Variants in ARFGEF3 observed in about 807,000 individuals in gnomAD.
The protein encoded by ARFGEF3 is brefeldin A-inhibited guanine nucleotide-exchange protein 3.
In ARFGEF3, 96 loss-of-function variants were observed where a neutral mutation model predicts 221.7. The ratio of observed to expected loss-of-function variants is 0.43; its 90% CI spans 0.37 to 0.51. The LOEUF (loss-of-function observed/expected upper bound fraction) is 0.51. Among genes scored for constraint, ARFGEF3 ranks in the 20% least tolerant of loss-of-function variants. The probability of loss-of-function intolerance (pLI) is 0.00; values close to 1 mark genes in which losing one functional copy is unlikely to be tolerated. For missense variants in ARFGEF3, 2,410 were observed against 2,789.9 expected (o/e 0.86, Z 3.07); for synonymous variants, 1,145 against 1,126.8 (o/e 1.02, Z -0.32).
intron 2 of ARFGEF3, among the ~76,000 whole-genome samples, chr6:138,198,773 A>C (rs1432450259): frequency 6.6e-6 from 1 of 152,232 alleles, no homozygotes; most frequent in African/African-American, 2.4e-5. Flanking sequence ...TGCTTCATGA[A>C]TTATCACTCG....
chr6:138,282,589 T>C (rs1457452151), intron 14 of ARFGEF3, among the ~76,000 whole-genome samples: 1 of 152,148 alleles, frequency 6.6e-6, no homozygotes, highest in Admixed American at 6.5e-5. Context: ...GGTCTGTCCA[T>C]GGGTGGCAGA....
chr6:138,214,027 A>T (rs554351389), intron 4 of ARFGEF3, among the ~76,000 whole-genome samples: 2 of 152,194 alleles, frequency 1.3e-5, no homozygotes, highest in Non-Finnish European at 2.9e-5. Flanking sequence ...CTGGCTTAGA[A>T]TAATAAGTTT....
At position 138,313,853 on chromosome 6, in the gene ARFGEF3, C is replaced by A. The variant is rs745955507; in HGVS notation, c.4259C>A (p.Ala1420Asp). ...LKPIFLSGRL[A>D]GLPRRLQEQS... Reference sequence around the variant, plus strand: ...CCAATATTCCTTAGTGGGAGACTTGCCGGCTTGCCTCGAAGACTTCAGGAA... The same window carrying A: ...CCAATATTCCTTAGTGGGAGACTTGACGGCTTGCCTCGAAGACTTCAGGAA... Residue 1420 changes from alanine to aspartate, a missense_variant, in exon 26 of 34, where the codon GCC becomes GAC. By Grantham distance (126) the Ala-to-Asp change is moderately radical. This residue lies in a region of ARFGEF3 where 723 missense variants were observed against 991.9 expected (regional missense o/e 0.73). Transcript: ENST00000251691. 1 of 1,613,852 alleles carries A rather than the reference C, an allele frequency of 6.2e-7. No homozygotes were observed. The highest frequency in any genetic ancestry group is 1.7e-5 in the Admixed American group (1 of 60,016).
chr6:138,227,343 C>T (rs1039227993), intron 4 of ARFGEF3, among the ~76,000 whole-genome samples: 2 of 152,296 alleles, frequency 1.3e-5, no homozygotes, highest in Admixed American at 6.5e-5. Context: ...TGCTTCCAAC[C>T]GCTGCTCCGA....
chr6:138,264,967 A>G (rs958948578), intron 12 of ARFGEF3, among the ~76,000 whole-genome samples: 25 of 149,840 alleles, frequency 1.7e-4, no homozygotes, highest in Non-Finnish European at 2.7e-4. Flanking sequence ...CCAGTGGTGC[A>G]ATCTCGGCTC....
At chr6:138,275,117 A>G (rs1039071906) in intron 12 of ARFGEF3, among the ~76,000 whole-genome samples, 1 of 152,068 alleles carries the variant, frequency 6.6e-6, no homozygotes, top group African/African-American at 2.4e-5. Flanking sequence ...CAAAAAAAAT[A>G]ATAAATAAAT....
At chr6:138,317,836 G>A (rs968870232) in intron 27 of ARFGEF3, among the ~76,000 whole-genome samples, 14 of 152,082 alleles carry the variant, frequency 9.2e-5, no homozygotes, top group African/African-American at 1.2e-4. Context: ...GCAACACCCC[G>A]TTTGTGTAAG....
At chr6:138,259,820 A>G (rs1463353681) in intron 10 of ARFGEF3, among the ~76,000 whole-genome samples, 1 of 152,168 alleles carries the variant, frequency 6.6e-6, no homozygotes, top group Non-Finnish European at 1.5e-5. Context: ...AGGCTGAGAC[A>G]GGAGAATCGC....
At chr6:138,208,985 G>T (rs1467568275) in intron 3 of ARFGEF3, among the ~76,000 whole-genome samples, 1 of 152,020 alleles carries the variant, frequency 6.6e-6, no homozygotes, top group East Asian at 1.9e-4. Flanking sequence ...GTGGGCAGGT[G>T]GATTTTGGTA....
At chr6:138,197,386 G>A (rs2114478611) in intron 2 of ARFGEF3, among the ~76,000 whole-genome samples, 1 of 152,264 alleles carries the variant, frequency 6.6e-6, no homozygotes, top group South Asian at 2.1e-4. Context: ...TTCTTTATAA[G>A]TAGAAGGAGT....
At chr6:138,175,066 G>A (rs1776912691) in intron 2 of ARFGEF3, among the ~76,000 whole-genome samples, 1 of 152,158 alleles carries the variant, frequency 6.6e-6, no homozygotes, top group African/African-American at 2.4e-5. Context: ...CATATTAGAT[G>A]GAATTAAGGA....
chr6:138,313,408 T>C (rs1583062553), intron 25 of ARFGEF3, among the ~76,000 whole-genome samples: 1 of 152,324 alleles, frequency 6.6e-6, no homozygotes, highest in South Asian at 2.1e-4. Flanking sequence ...CAGAGTCTGG[T>C]ATCTCATTTG....
chr6:138,188,306 T>TC (rs951475048), intron 2 of ARFGEF3, among the ~76,000 whole-genome samples: 10 of 151,998 alleles, frequency 6.6e-5, no homozygotes, highest in African/African-American at 2.4e-4. Context: ...AGACTTAGGT[T>TC]CCCCCCCTCC....
chr6:138,214,745 A>G (rs1481018761), intron 4 of ARFGEF3, among the ~76,000 whole-genome samples: 1 of 152,226 alleles, frequency 6.6e-6, no homozygotes, highest in Non-Finnish European at 1.5e-5. Flanking sequence ...CAATATTCCA[A>G]GGATAGTATT....
intron 27 of ARFGEF3, among the ~76,000 whole-genome samples, chr6:138,318,332 T>A (rs1188830772): frequency 6.6e-6 from 1 of 152,186 alleles, no homozygotes; most frequent in Non-Finnish European, 1.5e-5. Context: ...TTAATCCACT[T>A]TTGTTCCTAG....
chr6:138,251,898 A>G (rs780139346), intron 8 of ARFGEF3, among the ~76,000 whole-genome samples: 4 of 152,164 alleles, frequency 2.6e-5, no homozygotes, highest in Non-Finnish European at 5.9e-5. Flanking sequence ...ATGTCTGTCC[A>G]GTCCCGTAAG....
chr6:138,271,585 G>A (rs1177915376), intron 12 of ARFGEF3, among the ~76,000 whole-genome samples: 2 of 152,140 alleles, frequency 1.3e-5, no homozygotes, highest in East Asian at 1.9e-4. Context: ...CTGAGACACA[G>A]GTTAAGTAAT....
chr6:138,222,764 G>T (rs780113102), intron 4 of ARFGEF3, among the ~76,000 whole-genome samples: 1 of 152,136 alleles, frequency 6.6e-6, no homozygotes. Context: ...AGTGGCTTTT[G>T]GTTGCATGGA....
rs758372554 is a variant in ARFGEF3, at chr6:138,209,963, G to C, written c.273G>C (p.Lys91Asn). The C allele has an allele frequency of 6.2e-7, 1 of 1,613,832 alleles. No homozygotes were observed. The highest frequency in any genetic ancestry group is 8.5e-7 in the Non-Finnish European group (1 of 1,179,748). Residue 91 changes from lysine to asparagine, a missense_variant, in exon 4 of 34, where the codon AAG becomes AAC. Coordinates refer to ENST00000251691, the MANE Select transcript of ARFGEF3 (RefSeq NM_020340.5). The stretch of plus-strand genomic sequence containing the variant: ...CCATGGAAACAGATTCTGATGAGAA[G>C]CAGCTGCTCAATCAGATACTGAATG... ...FVSMETDSDE[K>N]QLLNQILNAV...
Sources: gnomAD v4.1 joint callset for allele counts (sites outside exome capture counted in the v4.1 genomes callset) on GRCh38, gnomAD v4.1.1 for gene constraint, gnomAD v4.1.1 regional missense constraint, MANE v1.5 for transcripts, NCBI Gene and HGNC (gene_info 2026-07-23, HGNC 2026-07-21) for gene names.